PTPRD: variants seen among roughly 807,000 people sequenced by gnomAD.
The protein encoded by PTPRD is protein tyrosine phosphatase receptor type D.
A neutral mutation model predicts 214.5 loss-of-function variants in PTPRD; 34 were observed. The ratio of observed to expected loss-of-function variants is 0.16; its 90% CI spans 0.12 to 0.21. PTPRD has a LOEUF of 0.21. Ranked by LOEUF, PTPRD falls within the 10% of genes least tolerant of loss-of-function variation. The pLI, the probability that PTPRD is intolerant of heterozygous loss-of-function variation, is 1.00. For synonymous variants in PTPRD, 1,128 were observed against 845.7 expected, an observed-to-expected ratio of 1.33 and a Z score of -5.79; for missense variants, 2,545 against 2,398.7, an observed-to-expected ratio of 1.06 and a Z score of -1.27.
At chr9:10,235,559 T>G (rs975648465) in intron 3 of PTPRD, among the ~76,000 whole-genome samples, 1 of 151,922 alleles carries the variant, frequency 6.6e-6, no homozygotes, top group Non-Finnish European at 1.5e-5. Flanking sequence ...TAAGCCTATT[T>G]CTGGACTCCT....
At chr9:9,145,152 G>A (rs2099866560) in intron 10 of PTPRD, among the ~76,000 whole-genome samples, 1 of 152,182 alleles carries the variant, frequency 6.6e-6, no homozygotes, top group Admixed American at 6.5e-5. Context: ...CTAAGTATGT[G>A]TTGCTAGGCA....
intron 5 of PTPRD, among the ~76,000 whole-genome samples, chr9:9,777,513 G>GA (rs1442628754): frequency 6.6e-6 from 1 of 152,040 alleles, no homozygotes; most frequent in African/African-American, 2.4e-5. Flanking sequence ...TAGAGAACAT[G>GA]AAAAAACCCT....
At chr9:9,375,564 C>G (rs2060565739) in intron 9 of PTPRD, among the ~76,000 whole-genome samples, 1 of 152,104 alleles carries the variant, frequency 6.6e-6, no homozygotes, top group African/African-American at 2.4e-5. Context: ...CCACTGCACT[C>G]TAGCCTGGGC....
chr9:9,063,120 G>T (rs1044858224), intron 10 of PTPRD, among the ~76,000 whole-genome samples: 4 of 152,104 alleles, frequency 2.6e-5, no homozygotes, highest in Admixed American at 1.3e-4. Context: ...TGAGCTGGGA[G>T]TCAAGAGATC....
chr9:8,964,851 G>C (rs2099182742), intron 11 of PTPRD, among the ~76,000 whole-genome samples: 1 of 152,050 alleles, frequency 6.6e-6, no homozygotes, highest in Non-Finnish European at 1.5e-5. Context: ...ATAATTGTGT[G>C]GCTTTGAGAA....
chr9:10,554,642 A>G (rs1353722217), intron 2 of PTPRD, among the ~76,000 whole-genome samples: 1 of 145,992 alleles, frequency 6.8e-6, no homozygotes, highest in African/African-American at 2.5e-5. Flanking sequence ...AGGTTTATAC[A>G]TTTCTTTTTT....
At chr9:8,666,422 G>C (rs1398850303) in intron 12 of PTPRD, among the ~76,000 whole-genome samples, 1 of 151,822 alleles carries the variant, frequency 6.6e-6, no homozygotes, top group East Asian at 1.9e-4. Context: ...TATGTGAAAG[G>C]GAAAAAAAGA....
intron 11 of PTPRD, among the ~76,000 whole-genome samples, chr9:8,922,336 C>G (rs1166154901): frequency 6.6e-6 from 1 of 152,146 alleles, no homozygotes; most frequent in Admixed American, 6.6e-5. Flanking sequence ...CACAATCACT[C>G]CTGATGAGGA....
At chr9:9,301,580 C>T (rs937546292) in intron 9 of PTPRD, among the ~76,000 whole-genome samples, 3 of 151,794 alleles carry the variant, frequency 2.0e-5, no homozygotes, top group Non-Finnish European at 2.9e-5. Flanking sequence ...ATTTTTGAAT[C>T]TCGAGTTCAT....
intron 6 of PTPRD, among the ~76,000 whole-genome samples, chr9:9,756,426 G>C (rs1233148739): frequency 2.0e-5 from 3 of 152,082 alleles, no homozygotes; most frequent in African/African-American, 7.2e-5. Context: ...TACGTTCATT[G>C]TATTGGTTAC....
chr9:8,765,178 A>G (rs2094637791), intron 11 of PTPRD, among the ~76,000 whole-genome samples: 1 of 152,226 alleles, frequency 6.6e-6, no homozygotes, highest in Admixed American at 6.5e-5. Flanking sequence ...GTTTAAAGAT[A>G]TGTACACAAA....
intron 14 of PTPRD, among the ~76,000 whole-genome samples, chr9:8,596,845 T>C (rs1446898537): frequency 2.0e-5 from 3 of 152,112 alleles, no homozygotes; most frequent in African/African-American, 7.2e-5. Context: ...AGTAAACTTG[T>C]GATAGCTTTG....
chr9:10,457,693 T>C (rs1270577702), intron 2 of PTPRD, among the ~76,000 whole-genome samples: 2 of 152,044 alleles, frequency 1.3e-5, no homozygotes, highest in Non-Finnish European at 2.9e-5. Context: ...GCAATTTTTA[T>C]TCCCACCAGC....
intron 9 of PTPRD, among the ~76,000 whole-genome samples, chr9:9,217,783 G>A (rs2099953244): frequency 6.6e-6 from 1 of 152,042 alleles, no homozygotes; most frequent in African/African-American, 2.4e-5. Context: ...ATCCCGCCCA[G>A]CATTCCAAAT....
intron 2 of PTPRD, among the ~76,000 whole-genome samples, chr9:10,556,515 G>A (rs1018420988): frequency 6.6e-6 from 1 of 152,040 alleles, no homozygotes; most frequent in Non-Finnish European, 1.5e-5. Flanking sequence ...TGAGAGTCAC[G>A]TGGTGATACA....
intron 3 of PTPRD, among the ~76,000 whole-genome samples, chr9:10,127,671 A>G (rs2098829896): frequency 6.6e-6 from 1 of 152,140 alleles, no homozygotes; most frequent in African/African-American, 2.4e-5. Flanking sequence ...CAAATATTAT[A>G]TAAAATATAC....
intron 7 of PTPRD, among the ~76,000 whole-genome samples, chr9:9,659,634 C>T (rs564839427): frequency 4.1e-4 from 62 of 152,002 alleles, no homozygotes; most frequent in African/African-American, 1.5e-3. Context: ...TTTTCCCTAG[C>T]AGTAACAGCT....
At chr9:9,502,918 A>T (rs1289194003) in intron 8 of PTPRD, among the ~76,000 whole-genome samples, 2 of 151,896 alleles carry the variant, frequency 1.3e-5, no homozygotes, top group Admixed American at 1.3e-4. Context: ...TTGCCTTCAC[A>T]GTGGGATTAG....
intron 12 of PTPRD, among the ~76,000 whole-genome samples, chr9:8,644,584 G>A (rs755563049): frequency 1.4e-4 from 21 of 152,198 alleles, no homozygotes; most frequent in Non-Finnish European, 2.6e-4. Flanking sequence ...CCAAGCCAGG[G>A]CTGTGACTCA....
Sources: allele counts gnomAD v4.1 joint callset (sites outside exome capture counted in the v4.1 genomes callset), GRCh38; gene constraint gnomAD v4.1.1; transcripts MANE v1.5; gene names NCBI Gene and HGNC (gene_info 2026-07-23, HGNC 2026-07-21).